BMERB1: variants seen among roughly 807,000 people sequenced by gnomAD.
The protein encoded by BMERB1 is bMERB domain-containing protein 1.
A neutral mutation model predicts 23.6 loss-of-function variants in BMERB1; 12 were observed. The observed-to-expected ratio is 0.51, with a 90% confidence interval of 0.33 to 0.82. The LOEUF is 0.82. Among genes scored for constraint, BMERB1 ranks in the 40% least tolerant of loss-of-function variants. The pLI, the probability that BMERB1 is intolerant of heterozygous loss-of-function variation, is 0.03. For synonymous variants in BMERB1, 122 were observed against 96.6 expected (o/e 1.26, Z -1.54); for missense variants, 247 against 255.4 (o/e 0.97, Z 0.22).
chr16:15,533,902 C>T (rs1351400514), intron 2 of BMERB1, among the ~76,000 whole-genome samples: 2 of 152,068 alleles, frequency 1.3e-5, no homozygotes, highest in Admixed American at 6.6e-5. Flanking sequence ...CCTCCCACCC[C>T]GTGTTGCCAC....
intron 2 of BMERB1, among the ~76,000 whole-genome samples, chr16:15,545,559 G>A (rs919279373): frequency 3.3e-5 from 5 of 152,156 alleles, no homozygotes; most frequent in Admixed American, 3.3e-4. Flanking sequence ...GCTATGAGTG[G>A]GGATGGGGGC....
chr16:15,481,899 AT>A (rs951888450), intron 1 of BMERB1, among the ~76,000 whole-genome samples: 46 of 143,984 alleles, frequency 3.2e-4, no homozygotes, highest in Non-Finnish European at 3.1e-4. Context: ...AAATTTTTGT[AT>A]TTTTTTTTTT....
intron 1 of BMERB1, among the ~76,000 whole-genome samples, chr16:15,464,940 CCCTTATTCAA>C (rs2051168637): frequency 6.6e-6 from 1 of 152,110 alleles, no homozygotes; most frequent in African/African-American, 2.4e-5. Context: ...CCTTATTTTA[CCCTTATTCAA>C]GATGGAGTCA....
intron 2 of BMERB1, among the ~76,000 whole-genome samples, chr16:15,517,383 C>T (rs749716896): frequency 6.6e-6 from 1 of 152,034 alleles, no homozygotes; most frequent in African/African-American, 2.4e-5. Context: ...TGGTGGCGTG[C>T]GCCTATAATC....
chr16:15,573,898 A>G (rs544570770), intron 3 of BMERB1, among the ~76,000 whole-genome samples: 1 of 148,250 alleles, frequency 6.7e-6, no homozygotes, highest in East Asian at 2.0e-4. Flanking sequence ...ACAAGGTGAC[A>G]GGAAGGAGAA....
chr16:15,582,810 A>G (rs1383518534), intron 4 of BMERB1, among the ~76,000 whole-genome samples: 1 of 152,118 alleles, frequency 6.6e-6, no homozygotes, highest in Non-Finnish European at 1.5e-5. Context: ...CCTGCCTCAT[A>G]CTTTGTGGGA....
intron 1 of BMERB1, among the ~76,000 whole-genome samples, chr16:15,494,877 C>CTTTTTT (rs754135430): frequency 6.7e-4 from 64 of 95,152 alleles, no homozygotes; most frequent in Non-Finnish European, 9.3e-4. Flanking sequence ...TTTTTTTTAT[C>CTTTTTT]TTTTTTTTTT....
intron 2 of BMERB1, among the ~76,000 whole-genome samples, chr16:15,550,924 G>T (rs2030070546): frequency 6.6e-6 from 1 of 152,180 alleles, no homozygotes; most frequent in Non-Finnish European, 1.5e-5. Context: ...ATCAGCTTTT[G>T]TTGGCATCAG....
intron 1 of BMERB1, among the ~76,000 whole-genome samples, chr16:15,507,502 G>A (rs562816587): frequency 1.3e-5 from 2 of 152,228 alleles, no homozygotes; most frequent in African/African-American, 2.4e-5. Flanking sequence ...CCCTGGGGAC[G>A]TCTGTGCCTT....
Position 15,546,405 on chromosome 16 carries a change from A to G in BMERB1, c.231-21578A>G, listed in dbSNP as rs144221063. The stretch of plus-strand genomic sequence containing the variant: ...ATTTTTTTCCAAGAGCATTATGCTG[A>G]ACTGGTATCAGAATTAAATTGCTTG... On this transcript the variant is annotated intron_variant, in intron 2 of 5. Coordinates refer to ENST00000300006, the MANE Select transcript of BMERB1 (RefSeq NM_033201.3). Among the ~76,000 whole-genome samples the G allele has an allele frequency of 2.6e-5, 4 of 152,308 alleles. No homozygotes were observed. In the East Asian group the frequency reaches 7.7e-4, roughly 29 times the overall value.
chr16:15,576,397 G>A (rs1288429715), intron 3 of BMERB1, among the ~76,000 whole-genome samples: 4 of 152,034 alleles, frequency 2.6e-5, no homozygotes, highest in African/African-American at 7.2e-5. Context: ...AAGCAGGGAC[G>A]GTTAGGAACC....
At chr16:15,577,142 A>G (rs1239652051) in intron 3 of BMERB1, 1 of 152,152 alleles carries the variant, frequency 6.6e-6, no homozygotes, top group Admixed American at 6.5e-5. Context: ...ATGGCTGGCA[A>G]AGAGAAGGGA....
At chr16:15,554,720 G>A (rs560214924) in intron 2 of BMERB1, among the ~76,000 whole-genome samples, 1 of 149,242 alleles carries the variant, frequency 6.7e-6, no homozygotes, top group East Asian at 2.0e-4. Flanking sequence ...ATGCTGCAGT[G>A]CAGTGGCATG....
chr16:15,461,393 C>T (rs1598451272), intron 1 of BMERB1, among the ~76,000 whole-genome samples: 2 of 152,052 alleles, frequency 1.3e-5, no homozygotes, highest in African/African-American at 4.8e-5. Context: ...TCCCATCTTA[C>T]CGAACCTTCT....
At chr16:15,473,249 G>A (rs1392481612) in intron 1 of BMERB1, among the ~76,000 whole-genome samples, 1 of 149,252 alleles carries the variant, frequency 6.7e-6, no homozygotes, top group Non-Finnish European at 1.5e-5. Flanking sequence ...GCCTTCTTCT[G>A]TTATCATTAC....
At chr16:15,467,251 T>TA (rs1184949995) in intron 1 of BMERB1, among the ~76,000 whole-genome samples, 1 of 152,232 alleles carries the variant, frequency 6.6e-6, no homozygotes, top group Non-Finnish European at 1.5e-5. Flanking sequence ...TATTTAGCCT[T>TA]ATAAGAAATT....
At chr16:15,532,572 G>A (rs1483522823) in intron 2 of BMERB1, among the ~76,000 whole-genome samples, 1 of 122,090 alleles carries the variant, frequency 8.2e-6, no homozygotes, top group Non-Finnish European at 1.6e-5. Context: ...TTGAGACGGA[G>A]TCTCGCTCTG....
At chr16:15,439,945 G>A (rs1430809498) in intron 1 of BMERB1, among the ~76,000 whole-genome samples, 1 of 151,926 alleles carries the variant, frequency 6.6e-6, no homozygotes, top group African/African-American at 2.4e-5. Flanking sequence ...AATGCCAGGA[G>A]AGGTAATAGC....
chr16:15,569,669 G>A (rs2030674825), intron 3 of BMERB1, among the ~76,000 whole-genome samples: 1 of 152,104 alleles, frequency 6.6e-6, no homozygotes, highest in South Asian at 2.1e-4. Flanking sequence ...TGATTCTCAG[G>A]GGTGCTAAGT....
Sources: allele counts gnomAD v4.1 joint callset (sites outside exome capture counted in the v4.1 genomes callset), GRCh38; gene constraint gnomAD v4.1.1; transcripts MANE v1.5; gene names NCBI Gene and HGNC (gene_info 2026-07-23, HGNC 2026-07-21).